The following GSE1 variants were observed in gnomAD, a reference collection of about 807,000 sequenced individuals.
GSE1 encodes Gse1 coiled-coil protein.
A neutral mutation model predicts 112.6 loss-of-function variants in GSE1; 32 were observed. The ratio of observed to expected loss-of-function variants is 0.28; its 90% CI spans 0.21 to 0.38. The LOEUF is 0.38. GSE1 is among the 10% of genes least tolerant of loss of function. The pLI, the probability that GSE1 is intolerant of heterozygous loss-of-function variation, is 1.00. For missense variants in GSE1, 2,348 were observed against 1,699.2 expected (o/e 1.38, Z -6.71); for synonymous variants, 1,115 against 735.6 (o/e 1.52, Z -8.35).
chr16:85,513,211 G>A (rs1023852875), intron 2 of GSE1, among the ~76,000 whole-genome samples: 7 of 151,998 alleles, frequency 4.6e-5, no homozygotes, highest in Non-Finnish European at 8.8e-5. Context: ...CTCAGAGATG[G>A]CAGCTGGGAG....
At chr16:85,375,234 G>C (rs778511470) in intron 2 of GSE1, among the ~76,000 whole-genome samples, 6 of 152,168 alleles carry the variant, frequency 3.9e-5, no homozygotes, top group Non-Finnish European at 8.8e-5. Flanking sequence ...CCTTGCCTGG[G>C]AGCTTCTGGA....
At chr16:85,634,954 G>T (rs983566706) in intron 2 of GSE1, among the ~76,000 whole-genome samples, 2 of 147,350 alleles carry the variant, frequency 1.4e-5, no homozygotes, top group South Asian at 2.1e-4. Flanking sequence ...CTGACAGGCG[G>T]GGGGGCTGAG....
intron 2 of GSE1, among the ~76,000 whole-genome samples, chr16:85,392,906 C>T (rs1162184250): frequency 6.6e-6 from 1 of 152,226 alleles, no homozygotes; most frequent in Non-Finnish European, 1.5e-5. Context: ...CACCCAGAGG[C>T]AGAGTGCATG....
chr16:85,619,165 C>T (rs1378151206), intron 1 of GSE1, among the ~76,000 whole-genome samples: 3 of 152,190 alleles, frequency 2.0e-5, no homozygotes, highest in Non-Finnish European at 2.9e-5. Flanking sequence ...AACGTCCCCT[C>T]GGGCTCACAT....
chr16:85,469,881 G>A (rs1199498596), intron 2 of GSE1, among the ~76,000 whole-genome samples: 1 of 152,242 alleles, frequency 6.6e-6, no homozygotes, highest in African/African-American at 2.4e-5. Flanking sequence ...CAAGGTGGGA[G>A]GGGGAGCCAG....
At chr16:85,439,450 G>T (rs1320203483) in intron 2 of GSE1, among the ~76,000 whole-genome samples, 1 of 152,192 alleles carries the variant, frequency 6.6e-6, no homozygotes, top group Non-Finnish European at 1.5e-5. Context: ...AGCAGGAGGG[G>T]GAGAGACAGA....
intron 1 of GSE1, among the ~76,000 whole-genome samples, chr16:85,217,411 T>C (rs1006067188): frequency 1.3e-5 from 2 of 152,128 alleles, no homozygotes; most frequent in African/African-American, 4.8e-5. Flanking sequence ...AGGCTGGCGA[T>C]CCCTCCAGAG....
chr16:85,231,639 C>T (rs1472693290), intron 1 of GSE1, among the ~76,000 whole-genome samples: 1 of 152,146 alleles, frequency 6.6e-6, no homozygotes, highest in Non-Finnish European at 1.5e-5. Context: ...TTGGATGTAG[C>T]CCCCTCTCCC....
At chr16:85,607,932 C>T (rs1019126517), upstream of GSE1, among the ~76,000 whole-genome samples, 1 of 152,204 alleles carries the variant, frequency 6.6e-6, no homozygotes, top group Non-Finnish European at 1.5e-5. Flanking sequence ...GAGGATGCTT[C>T]TTCTCAGGCA....
intron 1 of GSE1, among the ~76,000 whole-genome samples, chr16:85,275,953 A>C (rs1909318335): frequency 6.6e-6 from 1 of 152,248 alleles, no homozygotes; most frequent in South Asian, 2.1e-4. Flanking sequence ...AGGCAAAGTC[A>C]GAGGGGGTGC....
chr16:85,663,474 A>G lies in GSE1; in HGVS notation c.2504A>G (p.Lys835Arg), dbSNP rs771648789. 1 of 1,613,858 alleles carries G rather than the reference A, an allele frequency of 6.2e-7. No homozygotes were observed. The highest frequency in any genetic ancestry group is 2.2e-5 in the East Asian group (1 of 44,870). ...RSPSPPTIQS[K>R]RQTPSPRLAL... ...CCGTCGCCCCCAACAATTCAGAGCA[A>G]GCGGCAGACGCCTTCACCGAGACTG... The change falls in exon 11 of 16, where the codon AAG becomes AGG. Residue 835 changes from lysine (K) to arginine (R), a missense_variant. Physicochemically the swap from Lys to Arg is conservative, Grantham distance 26. Transcript: ENST00000253458.
At chr16:85,634,550 G>A (rs1320259805) in intron 2 of GSE1, among the ~76,000 whole-genome samples, 1 of 152,204 alleles carries the variant, frequency 6.6e-6, no homozygotes, top group African/African-American at 2.4e-5. Flanking sequence ...AGAAGTGGCA[G>A]AGAACATGGT....
intron 1 of GSE1, among the ~76,000 whole-genome samples, chr16:85,325,509 T>C (rs1000845154): frequency 2.6e-5 from 4 of 152,120 alleles, no homozygotes; most frequent in African/African-American, 9.7e-5. Context: ...TGGAGTGCAG[T>C]GACACGATCT....
chr16:85,456,127 C>T (rs2049819503), intron 2 of GSE1, among the ~76,000 whole-genome samples: 1 of 152,202 alleles, frequency 6.6e-6, no homozygotes, highest in Admixed American at 6.5e-5. Flanking sequence ...TCCCTGAGTT[C>T]ACCCAGTCCT....
intron 2 of GSE1, among the ~76,000 whole-genome samples, chr16:85,495,378 C>T (rs995216055): frequency 4.6e-5 from 7 of 152,036 alleles, no homozygotes; most frequent in African/African-American, 1.7e-4. Context: ...CCGACAAAGG[C>T]CGATACTGTC....
intron 2 of GSE1, among the ~76,000 whole-genome samples, chr16:85,451,874 A>G (rs2049692382): frequency 6.6e-6 from 1 of 152,170 alleles, no homozygotes; most frequent in South Asian, 2.1e-4. Flanking sequence ...TGCCCGGTGG[A>G]GACACTGAAG....
At chr16:85,567,097 T>C (rs1268752804) in intron 1 of GSE1, among the ~76,000 whole-genome samples, 3 of 146,622 alleles carry the variant, frequency 2.0e-5, no homozygotes, top group Non-Finnish European at 4.5e-5. Context: ...CCTGGAAAGT[T>C]TCACTCACAG....
intron 2 of GSE1, among the ~76,000 whole-genome samples, chr16:85,515,925 C>T (rs558032733): frequency 3.3e-5 from 5 of 152,304 alleles, no homozygotes; most frequent in Admixed American, 2.0e-4. Flanking sequence ...GAGCCTGGGA[C>T]TCCACTCTGC....
chr16:85,383,305 T>C (rs555643198), intron 2 of GSE1, among the ~76,000 whole-genome samples: 1 of 150,154 alleles, frequency 6.7e-6, no homozygotes, highest in Non-Finnish European at 1.5e-5. Flanking sequence ...TGCACAAACA[T>C]GTACATACAC....
Sources: gnomAD v4.1 joint callset for allele counts (sites outside exome capture counted in the v4.1 genomes callset) on GRCh38, gnomAD v4.1.1 for gene constraint, MANE v1.5 for transcripts, NCBI Gene and HGNC (gene_info 2026-07-23, HGNC 2026-07-21) for gene names.